Variants in GALNTL6 observed in about 807,000 individuals in gnomAD.
The protein encoded by GALNTL6 is polypeptide N-acetylgalactosaminyltransferase-like 6.
In GALNTL6, 46 loss-of-function variants were observed where a neutral mutation model predicts 73.7. The ratio of observed to expected loss-of-function variants is 0.62; its 90% CI spans 0.49 to 0.80. GALNTL6 has a LOEUF of 0.80. Among genes scored for constraint, GALNTL6 ranks in the 30% least tolerant of loss-of-function variants. The pLI is 0.00. For synonymous variants in GALNTL6, 259 were observed against 263.7 expected, an observed-to-expected ratio of 0.98 and a Z score of 0.17; for missense variants, 604 against 755.0, an observed-to-expected ratio of 0.80 and a Z score of 2.34.
intron 5 of GALNTL6, among the ~76,000 whole-genome samples, chr4:172,755,723 C>T (rs1410545243): frequency 1.3e-5 from 2 of 152,142 alleles, no homozygotes; most frequent in Admixed American, 6.5e-5. Flanking sequence ...ATTTTGCAGG[C>T]TTTGGGAGAT....
intron 5 of GALNTL6, among the ~76,000 whole-genome samples, chr4:172,719,466 CT>C (rs1735318160): frequency 6.6e-6 from 1 of 151,908 alleles, no homozygotes; most frequent in Admixed American, 6.6e-5. Context: ...GGATATATCC[CT>C]ATAGACAAAC....
At chr4:172,233,605 C>CT (rs1737145295) in intron 3 of GALNTL6, among the ~76,000 whole-genome samples, 1 of 152,030 alleles carries the variant, frequency 6.6e-6, no homozygotes, top group Non-Finnish European at 1.5e-5. Flanking sequence ...TCTGGGTTCT[C>CT]TATCCTGTTC....
intron 5 of GALNTL6, among the ~76,000 whole-genome samples, chr4:172,355,375 G>A (rs569919419): frequency 2.6e-5 from 4 of 152,134 alleles, no homozygotes; most frequent in Admixed American, 6.6e-5. Flanking sequence ...ATGGCATTAC[G>A]ATGAAATACA....
intron 2 of GALNTL6, among the ~76,000 whole-genome samples, chr4:172,142,833 G>A (rs1733835895): frequency 6.6e-6 from 1 of 151,842 alleles, no homozygotes; most frequent in Admixed American, 6.6e-5. Flanking sequence ...TGGTTAACCA[G>A]GGGGAGTGGA....
In GALNTL6 at chr4:172,293,126, T is replaced by C. The variant is rs138896579; in HGVS notation, c.248-18488T>C. 2.1e-3 allele frequency among the ~76,000 whole-genome samples: 314 copies of C among 152,288 alleles called. 2 individuals are homozygous for C. The highest frequency in any genetic ancestry group is 4.4e-3 in the Admixed American group (67 of 15,280). On this transcript the variant is annotated intron_variant, in intron 3 of 12. Transcript: ENST00000506823. ...TTGTCTTCTTTTATTTATTTGATATTCTAAGTCATCCTACTCTTCACTCCA... is the reference window on the plus strand; with the variant it reads ...TTGTCTTCTTTTATTTATTTGATATCCTAAGTCATCCTACTCTTCACTCCA...
chr4:172,684,806 A>C (rs908578277), intron 5 of GALNTL6, among the ~76,000 whole-genome samples: 2 of 152,128 alleles, frequency 1.3e-5, no homozygotes, highest in African/African-American at 2.4e-5. Context: ...TCTCTCTCCT[A>C]TGCCTTTGCT....
At chr4:172,024,644 A>C (rs1463938756) in intron 2 of GALNTL6, among the ~76,000 whole-genome samples, 1 of 151,938 alleles carries the variant, frequency 6.6e-6, no homozygotes, top group African/African-American at 2.4e-5. Flanking sequence ...ATTTTGTATC[A>C]TATCATTTAG....
intron 2 of GALNTL6, among the ~76,000 whole-genome samples, chr4:172,197,139 C>A (rs1045775089): frequency 2.0e-5 from 3 of 152,012 alleles, no homozygotes; most frequent in Admixed American, 1.3e-4. Flanking sequence ...TTCCTATACA[C>A]CCAGAACCAA....
intron 3 of GALNTL6, among the ~76,000 whole-genome samples, chr4:172,255,659 GA>G (rs1738048474): frequency 6.6e-6 from 1 of 151,304 alleles, no homozygotes; most frequent in Admixed American, 6.6e-5. Flanking sequence ...TGCATATAGT[GA>G]CTACGTTGAA....
intron 2 of GALNTL6, among the ~76,000 whole-genome samples, chr4:172,162,860 G>A (rs923741786): frequency 3.9e-5 from 6 of 152,026 alleles, no homozygotes; most frequent in Non-Finnish European, 5.9e-5. Context: ...AATTAAGCAC[G>A]ACCATGTTTA....
intron 10 of GALNTL6, among the ~76,000 whole-genome samples, chr4:172,977,255 C>T (rs1429711257): frequency 1.3e-5 from 2 of 152,244 alleles, no homozygotes; most frequent in Non-Finnish European, 2.9e-5. Flanking sequence ...ATACCTTCAG[C>T]TCCATCCTAT....
At chr4:172,006,975 A>G (rs890935589) in intron 2 of GALNTL6, among the ~76,000 whole-genome samples, 4 of 152,228 alleles carry the variant, frequency 2.6e-5, no homozygotes, top group Non-Finnish European at 5.9e-5. Flanking sequence ...CAAAAACTTT[A>G]AAGTTAATAT....
intron 3 of GALNTL6, among the ~76,000 whole-genome samples, chr4:172,239,927 T>G (rs764984747): frequency 6.6e-6 from 1 of 152,236 alleles, no homozygotes; most frequent in Non-Finnish European, 1.5e-5. Flanking sequence ...CTGAAAGGTC[T>G]GCTTTTAGCC....
intron 2 of GALNTL6, among the ~76,000 whole-genome samples, chr4:172,136,900 A>C (rs914728843): frequency 1.3e-5 from 2 of 152,044 alleles, no homozygotes; most frequent in African/African-American, 4.8e-5. Flanking sequence ...CATAGCAATT[A>C]AAAGTAAATA....
At chr4:172,103,831 C>A (rs1428468405) in intron 2 of GALNTL6, among the ~76,000 whole-genome samples, 1 of 152,198 alleles carries the variant, frequency 6.6e-6, no homozygotes, top group South Asian at 2.1e-4. Flanking sequence ...ACATTCCTAG[C>A]CAGTTGGCAT....
At chr4:172,237,971 C>A (rs1042386382) in intron 3 of GALNTL6, among the ~76,000 whole-genome samples, 3 of 152,110 alleles carry the variant, frequency 2.0e-5, no homozygotes, top group Non-Finnish European at 2.9e-5. Context: ...TACTACCATG[C>A]TGTTTTTATT....
intron 5 of GALNTL6, among the ~76,000 whole-genome samples, chr4:172,581,905 G>A (rs1395865545): frequency 6.6e-6 from 1 of 152,182 alleles, no homozygotes; most frequent in African/African-American, 2.4e-5. Context: ...GATAGATCTG[G>A]AACTGGGAAG....
Position 172,422,534 on chromosome 4 carries a change from G to A in GALNTL6, c.553+73845G>A, listed in dbSNP as rs114511855. 2.8e-3 allele frequency among the ~76,000 whole-genome samples: 421 copies of A among 151,942 alleles called. 1 individual carries two copies. The highest frequency in any genetic ancestry group is 9.5e-3 in the African/African-American group (395 of 41,462). ...GATTGTTGAAGTGTCCCAAGACTTCGTTCTTGATGTCTTTTTCTTCTGTAG... is the reference window on the plus strand; with the variant it reads ...GATTGTTGAAGTGTCCCAAGACTTCATTCTTGATGTCTTTTTCTTCTGTAG... On this transcript the variant is annotated intron_variant, in intron 5 of 12. Transcript: ENST00000506823.
chr4:172,501,281 A>G lies in GALNTL6; in HGVS notation c.553+152592A>G, dbSNP rs78824003. On this transcript the variant is annotated intron_variant, in intron 5 of 12. Coordinates refer to ENST00000506823, the MANE Select transcript of GALNTL6 (RefSeq NM_001034845.3). ...TGCAAGTGAATCTACAATTACCTCA[A>G]AATAAAAAGGCAACATTTTTAAAAA... Among the ~76,000 whole-genome samples, 1,324 of 152,310 alleles carry G rather than the reference A, an allele frequency of 8.7e-3. 21 individuals carry two copies. Among genetic ancestry groups the G allele is most frequent in the African/African-American group, 0.031 (1,270 of 41,568 alleles).
Sources: gnomAD v4.1 joint callset for allele counts (sites outside exome capture counted in the v4.1 genomes callset) on GRCh38, gnomAD v4.1.1 for gene constraint, MANE v1.5 for transcripts, NCBI Gene and HGNC (gene_info 2026-07-23, HGNC 2026-07-21) for gene names.